Variants in FFAR2 observed in about 807,000 individuals in gnomAD.
FFAR2 encodes the protein G-protein coupled receptor 43.
For synonymous variants in FFAR2, 193 were observed against 189.9 expected (o/e 1.02, Z -0.13); for missense variants, 421 against 428.9 (o/e 0.98, Z 0.16).
At position 35,450,056 on chromosome 19, in the gene FFAR2, C is replaced by G. The variant is rs749610685; in HGVS notation, c.342C>G (p.Pro114=). 19 of 1,614,162 alleles carry G rather than the reference C, an allele frequency of 1.2e-5. No individual in the cohort carries two copies. The Middle Eastern group carries it at 4.9e-4, about 42-fold the overall frequency. The change falls in exon 2 of 2, where the codon CCC becomes CCG. Residue 114 remains proline, a synonymous_variant. Transcript: ENST00000599180. The part of the protein sequence containing the change: ...SIERYLGVAF[P]VQYKLSRRPL... ...AGCGCTACCTGGGAGTGGCTTTCCC[C>G]GTGCAGTACAAGCTCTCCCGCCGGC...
intron 1 of FFAR2, among the ~76,000 whole-genome samples, chr19:35,448,704 C>T (rs2067360947): frequency 6.6e-6 from 1 of 152,130 alleles, no homozygotes; most frequent in Non-Finnish European, 1.5e-5. Context: ...GAATATTTCT[C>T]TAAGGTCTTC....
chr19:35,450,659 T>C lies in FFAR2; in HGVS notation c.945T>C (p.Gly315=). 1 of 1,613,776 alleles carries C rather than the reference T, an allele frequency of 6.2e-7. No homozygotes were observed. Among genetic ancestry groups the C allele is most frequent in the Non-Finnish European group, 8.5e-7 (1 of 1,179,918 alleles). ...DTAEGTNEDR[G]VGQGEGMPSS... ...CAGAGGGGACAAATGAGGACAGGGG[T>C]GTGGGTCAAGGAGAAGGGATGCCAA... The change falls in exon 2 of 2, where the codon GGT becomes GGC. Residue 315 remains glycine (G), a synonymous_variant. Coordinates refer to ENST00000599180, the MANE Select transcript of FFAR2 (RefSeq NM_001370087.1).
chr19:35,449,676 A>C (rs765309914), intron 1 of FFAR2, 38 bp from the exon 2 acceptor site: 2 of 1,522,518 alleles, frequency 1.3e-6, no homozygotes, highest in Non-Finnish European at 8.8e-7. Flanking sequence ...GCTGTGAGTG[A>C]GACCTCCCTG....
In FFAR2 at chr19:35,451,720, A is replaced by G. The variant is rs548880806; in HGVS notation, c.*1013A>G. The G allele has an allele frequency of 3.9e-5, 6 of 152,352 alleles. No homozygotes were observed. Among genetic ancestry groups the G allele is most frequent in the African/African-American group, 1.4e-4 (6 of 41,582 alleles). 9.4% of individuals were successfully genotyped at this position (152,352 alleles called of 1,614,324 possible). ...GATTGGCACTCCCTCATACAGGGGA[A>G]AGCAACCTGGTCTAGCAAATTGAAA... On this transcript the variant is annotated 3_prime_UTR_variant, in exon 2 of 2. Transcript: ENST00000599180.
Position 35,450,770 on chromosome 19 carries a change from C to T in FFAR2, c.*63C>T, listed in dbSNP as rs527520624. ...CAGGAGCTGGGAAGCCTGGGAGAGG[C>T]GGAGCAGGAAGGCTCCCATCCAGAT... On this transcript the variant is annotated 3_prime_UTR_variant, in exon 2 of 2. Transcript: ENST00000599180. 5.8e-5 allele frequency: 88 copies of T among 1,518,612 alleles called. No homozygotes were observed. Among genetic ancestry groups the T allele is most frequent in the Admixed American group, 3.1e-4 (15 of 48,704 alleles). The allele number at this position is 1,518,612 out of a possible 1,614,324, so 94.1% of individuals were successfully genotyped here.
chr19:35,450,798 A>G lies in FFAR2; in HGVS notation c.*91A>G, dbSNP rs1316127401. 7.4e-6 allele frequency: 10 copies of G among 1,359,562 alleles called. No individual in the cohort carries two copies. Among genetic ancestry groups the G allele is most frequent in the Non-Finnish European group, 1.0e-5 (10 of 1,003,736 alleles). The allele number at this position is 1,359,562 out of a possible 1,614,324, so 84.2% of individuals were successfully genotyped here. On this transcript the variant is annotated 3_prime_UTR_variant, in exon 2 of 2. Transcript: ENST00000599180. ...AGCAGGAAGGCTCCCATCCAGATTC[A>G]GAAATCCTTAGACCCAGCCCAGGAC...
At position 35,450,261 on chromosome 19, in the gene FFAR2, C is replaced by G; in HGVS notation, c.547C>G (p.Leu183Val). 1 of 1,614,240 alleles carries G rather than the reference C, an allele frequency of 6.2e-7. No individual in the cohort carries two copies. Among genetic ancestry groups the G allele is most frequent in the Non-Finnish European group, 8.5e-7 (1 of 1,180,048 alleles). ...LDVVLPVRLE[L>V]CLVLFFIPMA... ...CGTGGTGCTGCCCGTGCGGCTGGAG[C>G]TGTGCCTGGTGCTCTTCTTCATCCC... Residue 183 changes from leucine (L) to valine (V), a missense_variant, in exon 2 of 2, where the codon CTG becomes GTG. Physicochemically the swap from Leu to Val is conservative, Grantham distance 32. Transcript: ENST00000599180.
chr19:35,449,660 G>T, intron 1 of FFAR2, 54 bp from the exon 2 acceptor site: 2 of 1,514,184 alleles, frequency 1.3e-6, no homozygotes, highest in Non-Finnish European at 1.8e-6. Context: ...AGAGCTGGCT[G>T]CGCGGGCTGT....
intron 1 of FFAR2, 99 bp from the exon 2 acceptor site, chr19:35,449,615 G>C (rs1006436785): frequency 7.7e-7 from 1 of 1,296,144 alleles, no homozygotes; most frequent in Non-Finnish European, 1.1e-6. Context: ...CCTGGGAAGG[G>C]GACGGTGCCG....
At chr19:35,449,351 C>T (rs1340682313) in intron 1 of FFAR2, among the ~76,000 whole-genome samples, 1 of 152,182 alleles carries the variant, frequency 6.6e-6, no homozygotes, top group Non-Finnish European at 1.5e-5. Flanking sequence ...AGGTCTCTGT[C>T]TGAGAAAGGG....
At position 35,450,730 on chromosome 19, in the gene FFAR2, G is replaced by T. The variant is rs1320071100; in HGVS notation, c.*23G>T. The T allele has an allele frequency of 8.1e-6, 13 of 1,597,492 alleles. No homozygotes were observed. Among genetic ancestry groups the T allele is most frequent in the Admixed American group, 6.8e-5 (4 of 58,700 alleles). ...TAGCAGTTTCCCTGGACCTTCAGAG[G>T]TCGCCTGGGTTACACAGGAGCTGGG... On this transcript the variant is annotated 3_prime_UTR_variant, in exon 2 of 2. Transcript: ENST00000599180.
rs772832480 is a variant in FFAR2 at position 35,449,674 on chromosome 19, T to C, written c.-1-40T>C. On this transcript the variant is annotated intron_variant, in intron 1 of 1. Coordinates refer to ENST00000599180, the MANE Select transcript of FFAR2 (RefSeq NM_001370087.1). ...GAGAGCTGGCTGCGCGGGCTGTGAG[T>C]GAGACCTCCCTGACCCCGCCCTTTT... is the stretch of plus-strand genomic sequence containing the variant. 3 of 1,521,668 alleles carry C rather than the reference T, an allele frequency of 2.0e-6. No homozygotes were observed. The South Asian group carries it at 4.0e-5, about 20-fold the overall frequency. The allele number at this position is 1,521,668 out of a possible 1,614,324, so 94.3% of individuals were successfully genotyped here.
In FFAR2 at chr19:35,450,451, ATCACCAGAGAAAAAGCCCCTGGTGG is replaced by A. The variant is rs747288696; in HGVS notation, c.738_762del (p.His247GlyfsTer3). On this transcript the variant is annotated frameshift_variant, in exon 2 of 2. Coordinates refer to ENST00000599180, the MANE Select transcript of FFAR2 (RefSeq NM_001370087.1). LOFTEE classifies it low-confidence loss of function (END_TRUNC). ...TACAACGTGTCCCACCTGGTGGGGT[ATCACCAGAGAAAAAGCCCCTGGTGG>A]CGGTCAATAGCCGTGGTGTTCAGTT... 1 of 1,614,238 alleles carries A rather than the reference ATCACCAGAGAAAAAGCCCCTGGTGG, an allele frequency of 6.2e-7. No homozygotes were observed. The highest frequency in any genetic ancestry group is 2.2e-5 in the East Asian group (1 of 44,884).
intron 1 of FFAR2, among the ~76,000 whole-genome samples, chr19:35,449,051 G>A (rs1021831141): frequency 5.3e-5 from 8 of 151,422 alleles, no homozygotes; most frequent in Non-Finnish European, 1.0e-4. Context: ...TGATCTGCCC[G>A]CCTCGGCCTC....
chr19:35,449,920 C>T lies in FFAR2; in HGVS notation c.206C>T (p.Ala69Val). ...CTGCTGCCCTTCAAGATCATCGAGGCTGCGTCGAACTTCCGCTGGTACCTG... is the reference window on the plus strand; with the variant it reads ...CTGCTGCCCTTCAAGATCATCGAGGTTGCGTCGAACTTCCGCTGGTACCTG... ...LLLLPFKIIE[A>V]ASNFRWYLPK... is the part of the protein sequence containing the mutation. The change falls in exon 2 of 2, where the codon GCT becomes GTT. Residue 69 changes from alanine to valine, a missense_variant. By Grantham distance (64) the Ala-to-Val change is moderately conservative. Transcript: ENST00000599180. The T allele has an allele frequency of 6.2e-7, 1 of 1,613,380 alleles. No individual in the cohort carries two copies. The highest frequency in any genetic ancestry group is 1.1e-5 in the South Asian group (1 of 91,080).
chr19:35,449,946 C>T lies in FFAR2; in HGVS notation c.232C>T (p.Pro78Ser), dbSNP rs1396945426. 6.2e-7 allele frequency: 1 copy of T among 1,613,672 alleles called. No individual in the cohort carries two copies. Among genetic ancestry groups the T allele is most frequent in the African/African-American group, 1.3e-5 (1 of 74,928 alleles). Residue 78 changes from proline to serine, a missense_variant, in exon 2 of 2, where the codon CCC (proline) becomes TCC (serine). Coordinates refer to ENST00000599180, the MANE Select transcript of FFAR2 (RefSeq NM_001370087.1). ...EAASNFRWYL[P>S]KVVCALTSFG... The stretch of plus-strand genomic sequence containing the variant: ...TGCGTCGAACTTCCGCTGGTACCTG[C>T]CCAAGGTCGTCTGCGCCCTCACGAG...
rs2067370052 is a variant in FFAR2, at chr19:35,450,012, C to T, written c.298C>T (p.Leu100=). The change falls in exon 2 of 2, where the codon CTG becomes TTG. Residue 100 remains leucine (L), a synonymous_variant. Coordinates refer to ENST00000599180, the MANE Select transcript of FFAR2 (RefSeq NM_001370087.1). ...YSSIYCSTWL[L]AGISIERYLG... ...CAGCATCTACTGCAGCACGTGGCTC[C>T]TGGCGGGCATCAGCATCGAGCGCTA... is the stretch of plus-strand genomic sequence containing the variant. 2 of 1,614,126 alleles carry T rather than the reference C, an allele frequency of 1.2e-6. No individual in the cohort carries two copies. Among genetic ancestry groups the T allele is most frequent in the South Asian group, 1.1e-5 (1 of 91,090 alleles).
At position 35,450,328 on chromosome 19, in the gene FFAR2, T is replaced by A; in HGVS notation, c.614T>A (p.Ile205Asn). 6.2e-7 allele frequency: 1 copy of A among 1,614,226 alleles called. No homozygotes were observed. The highest frequency in any genetic ancestry group is 8.5e-7 in the Non-Finnish European group (1 of 1,180,042). ...TIFCYWRFVW[I>N]MLSQPLVGAQ... Reference sequence around the variant, plus strand: ...TTCTGCTACTGGCGTTTTGTGTGGATCATGCTCTCCCAGCCCCTTGTGGGG... The same window carrying A: ...TTCTGCTACTGGCGTTTTGTGTGGAACATGCTCTCCCAGCCCCTTGTGGGG... The change falls in exon 2 of 2, where the codon ATC becomes AAC. Residue 205 changes from isoleucine to asparagine, a missense_variant. Ile to Asn is a moderately radical substitution (Grantham distance 149). Coordinates refer to ENST00000599180, the MANE Select transcript of FFAR2 (RefSeq NM_001370087.1).
In FFAR2 at chr19:35,450,313, G is replaced by A. The variant is rs1282858288; in HGVS notation, c.599G>A (p.Trp200Ter). 6.2e-7 allele frequency: 1 copy of A among 1,614,084 alleles called. No homozygotes were observed. Among genetic ancestry groups the A allele is most frequent in the African/African-American group, 1.3e-5 (1 of 74,918 alleles). ...IPMAVTIFCYWRFVWIMLSQP... is the reference protein window; with the variant it reads ...IPMAVTIFCY The stretch of plus-strand genomic sequence containing the variant: ...ATGGCAGTCACCATCTTCTGCTACT[G>A]GCGTTTTGTGTGGATCATGCTCTCC... The change falls in exon 2 of 2, where the codon TGG (tryptophan) becomes TAG (stop). Residue 200 changes from tryptophan to a stop codon, truncating the protein, a stop_gained. Transcript: ENST00000599180. LOFTEE classifies it low-confidence loss of function (END_TRUNC).
Sources: allele counts gnomAD v4.1 joint callset (sites outside exome capture counted in the v4.1 genomes callset), GRCh38; gene constraint gnomAD v4.1.1; transcripts MANE v1.5; gene names NCBI Gene and HGNC (gene_info 2026-07-23, HGNC 2026-07-21).